TMEM135: variants seen among roughly 807,000 people sequenced by gnomAD.
The protein encoded by TMEM135 is transmembrane protein 135.
TMEM135 carries 30 observed loss-of-function variants against 60.3 expected under a neutral mutation model. The observed-to-expected ratio is 0.50, with a 90% CI of 0.37 to 0.68. The LOEUF (loss-of-function observed/expected upper bound fraction) is 0.68. Ranked by LOEUF, TMEM135 falls within the 30% of genes least tolerant of loss-of-function variation. The pLI, the probability that TMEM135 is intolerant of heterozygous loss-of-function variation, is 0.00. For synonymous variants in TMEM135, 190 were observed against 186.7 expected, an observed-to-expected ratio of 1.02 and a Z score of -0.14; for missense variants, 468 against 548.8, an observed-to-expected ratio of 0.85 and a Z score of 1.47.
intron 13 of TMEM135, chr11:87,318,950 C>T (rs910502359): frequency 5.3e-6 from 1 of 189,222 alleles, no homozygotes; most frequent in African/African-American, 2.4e-5. Flanking sequence ...CTCACTGCAA[C>T]CTCTGCCTCC....
In TMEM135 at chr11:87,066,884, A is replaced by C. The variant is rs1364606625; in HGVS notation, c.142-810A>C. On this transcript the variant is annotated intron_variant, in intron 1 of 14. Transcript: ENST00000305494. Reference sequence around the variant, plus strand: ...CAACCTCCGCCTCCCGGGTTCAAGCAATTCTCCTGCCTCAGCCTCCCAAGT... The same window carrying C: ...CAACCTCCGCCTCCCGGGTTCAAGCCATTCTCCTGCCTCAGCCTCCCAAGT... Among the ~76,000 whole-genome samples, 6 of 149,642 alleles carry C rather than the reference A, an allele frequency of 4.0e-5. No individual in the cohort carries two copies. The East Asian group carries it at 1.2e-3, about 30-fold the overall frequency.
At chr11:87,314,653 T>G in intron 12 of TMEM135, 106 bp downstream of exon 12, 1 of 922,612 alleles carries the variant, frequency 1.1e-6, no homozygotes, top group Non-Finnish European at 1.7e-6. Flanking sequence ...TAAATTTTAA[T>G]CCTCTAAAAG....
chr11:87,324,949 A>AT lies in TMEM135; in HGVS notation c.*3620dup. The AT allele has an allele frequency of 4.4e-6, 2 of 453,996 alleles. No individual in the cohort carries two copies. 28.1% of individuals were successfully genotyped at this position (453,996 alleles called of 1,614,324 possible). On this transcript the variant is annotated 3_prime_UTR_variant, in exon 15 of 15. Coordinates refer to ENST00000305494, the MANE Select transcript of TMEM135 (RefSeq NM_022918.4). ...ACAAGAAAAGGAATAAGAAGTGATT[A>AT]TTTTCTTTAGGGCTGCACTTTGAAT... is the stretch of plus-strand genomic sequence containing the variant.
intron 1 of TMEM135, among the ~76,000 whole-genome samples, chr11:87,038,591 T>C (rs887857930): frequency 1.2e-4 from 18 of 144,708 alleles, no homozygotes; most frequent in African/African-American, 4.7e-4. Context: ...CTCATCTAGT[T>C]TCCCCTGTTT....
intron 1 of TMEM135, among the ~76,000 whole-genome samples, chr11:87,053,191 C>CA (rs71274420): frequency 0.021 from 1,540 of 71,876 alleles, 13 homozygotes; most frequent in Non-Finnish European, 0.033. Flanking sequence ...GGAGGGATAG[C>CA]AAAAAAAAAA....
chr11:87,276,558 T>TTGTGTG (rs199780176), intron 6 of TMEM135, among the ~76,000 whole-genome samples: 10 of 148,790 alleles, frequency 6.7e-5, no homozygotes, highest in African/African-American at 2.2e-4. Flanking sequence ...ATAAGAGTGT[T>TTGTGTG]TGTGTGTGTG....
chr11:87,195,197 C>G (rs1939905659), intron 5 of TMEM135, among the ~76,000 whole-genome samples: 1 of 152,026 alleles, frequency 6.6e-6, no homozygotes, highest in Admixed American at 6.6e-5. Flanking sequence ...TATTTACTGT[C>G]AAATGTCTTT....
intron 4 of TMEM135, among the ~76,000 whole-genome samples, chr11:87,111,907 T>C (rs1367867426): frequency 6.6e-6 from 1 of 152,094 alleles, no homozygotes; most frequent in Non-Finnish European, 1.5e-5. Context: ...AGAGTAATAA[T>C]ATATAAATTA....
intron 10 of TMEM135, 139 bp from the exon 11 acceptor site, chr11:87,313,286 T>C (rs1362374685): frequency 6.1e-6 from 4 of 655,796 alleles, no homozygotes; most frequent in East Asian, 5.4e-5. Context: ...TCCAATCATG[T>C]ATGCAGTTTG....
intron 5 of TMEM135, among the ~76,000 whole-genome samples, chr11:87,189,207 C>A (rs559608567): frequency 1.6e-4 from 24 of 151,194 alleles, no homozygotes; most frequent in Middle Eastern, 6.8e-3. Context: ...GCCTCCCAGG[C>A]TGGAGTACAG....
At chr11:87,269,196 A>G (rs1239249381) in intron 6 of TMEM135, among the ~76,000 whole-genome samples, 1 of 149,954 alleles carries the variant, frequency 6.7e-6, no homozygotes, top group Non-Finnish European at 1.5e-5. Flanking sequence ...TTTCCCCCCT[A>G]CTACACATTG....
chr11:87,120,625 G>T (rs1381052248), intron 4 of TMEM135, among the ~76,000 whole-genome samples: 1 of 151,716 alleles, frequency 6.6e-6, no homozygotes, highest in Non-Finnish European at 1.5e-5. Context: ...GTGCCACCGT[G>T]CCCAGATAAT....
At chr11:87,224,708 A>C (rs1940728576) in intron 5 of TMEM135, among the ~76,000 whole-genome samples, 1 of 150,662 alleles carries the variant, frequency 6.6e-6, no homozygotes, top group South Asian at 2.1e-4. Flanking sequence ...CTTTGCCCTG[A>C]GTTCATATAG....
At chr11:87,069,112 C>T (rs1198833302) in intron 2 of TMEM135, among the ~76,000 whole-genome samples, 2 of 150,292 alleles carry the variant, frequency 1.3e-5, no homozygotes, top group African/African-American at 4.9e-5. Context: ...CAGTGAAACC[C>T]CGTCTCTACT....
At chr11:87,088,112 C>G (rs1312502216) in intron 3 of TMEM135, among the ~76,000 whole-genome samples, 2 of 152,040 alleles carry the variant, frequency 1.3e-5, no homozygotes, top group Non-Finnish European at 2.9e-5. Flanking sequence ...GTAAATTCCT[C>G]TCTTCTTGAG....
chr11:87,119,888 A>T (rs531934711), intron 4 of TMEM135, among the ~76,000 whole-genome samples: 51 of 151,858 alleles, frequency 3.4e-4, no homozygotes, highest in African/African-American at 8.5e-4. Flanking sequence ...ACTTTTTTAA[A>T]AAAAAAAAAA....
chr11:87,242,875 T>C (rs1435364091), intron 6 of TMEM135, among the ~76,000 whole-genome samples: 1 of 147,826 alleles, frequency 6.8e-6, no homozygotes, highest in Admixed American at 6.7e-5. Context: ...CATTTGTCAA[T>C]TTTGGCTTTT....
chr11:87,227,632 A>G (rs907318244), intron 5 of TMEM135, among the ~76,000 whole-genome samples: 12 of 152,298 alleles, frequency 7.9e-5, no homozygotes, highest in Non-Finnish European at 7.4e-5. Context: ...ATGACAATAC[A>G]TAGCTATTTA....
intron 4 of TMEM135, among the ~76,000 whole-genome samples, chr11:87,101,803 G>A (rs1241223555): frequency 1.3e-5 from 2 of 152,032 alleles, no homozygotes; most frequent in Non-Finnish European, 2.9e-5. Flanking sequence ...GGATAAACCC[G>A]TCTCTACTAA....
Sources: allele counts gnomAD v4.1 joint callset (sites outside exome capture counted in the v4.1 genomes callset), GRCh38; gene constraint gnomAD v4.1.1; transcripts MANE v1.5; gene names NCBI Gene and HGNC (gene_info 2026-07-23, HGNC 2026-07-21).